SLC9A9: variants seen among roughly 807,000 people sequenced by gnomAD.
SLC9A9 encodes sodium/hydrogen exchanger 9.
In SLC9A9, 62 loss-of-function variants were observed where a neutral mutation model predicts 77.8. The ratio of observed to expected loss-of-function variants is 0.80; its 90% confidence interval spans 0.65 to 0.98. The LOEUF (loss-of-function observed/expected upper bound fraction) is 0.98, where lower values mean the gene tolerates loss of function less well. Ranked by LOEUF, SLC9A9 falls within the 50% of genes least tolerant of loss-of-function variation. SLC9A9 has a pLI of 0.00. For synonymous variants in SLC9A9, 320 were observed against 283.5 expected, an observed-to-expected ratio of 1.13 and a Z score of -1.29; for missense variants, 775 against 774.9, an observed-to-expected ratio of 1.00 and a Z score of 0.00.
chr3:143,832,713 C>CTTT (rs11425360), intron 1 of SLC9A9, among the ~76,000 whole-genome samples: 1 of 141,764 alleles, frequency 7.1e-6, no homozygotes. Context: ...CAATATAGTT[C>CTTT]TTTTTTTTTT....
intron 1 of SLC9A9, among the ~76,000 whole-genome samples, chr3:143,842,828 A>T (rs888915639): frequency 1.3e-5 from 2 of 152,180 alleles, no homozygotes; most frequent in Non-Finnish European, 2.9e-5. Flanking sequence ...AACAGACTGG[A>T]TATCATTATA....
At chr3:143,720,910 C>T (rs991057033) in intron 4 of SLC9A9, among the ~76,000 whole-genome samples, 2 of 151,422 alleles carry the variant, frequency 1.3e-5, no homozygotes, top group Non-Finnish European at 2.9e-5. Context: ...TAAGTATTTT[C>T]CTTAAGCCTT....
intron 5 of SLC9A9, among the ~76,000 whole-genome samples, chr3:143,655,854 G>T (rs948113380): frequency 6.6e-6 from 1 of 152,178 alleles, no homozygotes; most frequent in Admixed American, 6.5e-5. Flanking sequence ...GGAGCCAGTG[G>T]TGTGGACTGC....
chr3:143,274,308 A>C (rs953859064), intron 14 of SLC9A9, among the ~76,000 whole-genome samples: 1 of 152,146 alleles, frequency 6.6e-6, no homozygotes, highest in Non-Finnish European at 1.5e-5. Context: ...TAGCATTTCC[A>C]TATGTCTTAT....
chr3:143,451,653 T>G lies in SLC9A9; in HGVS notation c.1469+15384A>C, dbSNP rs374904413. On this transcript the variant is annotated intron_variant, in intron 12 of 15. Coordinates refer to ENST00000316549, the MANE Select transcript of SLC9A9 (RefSeq NM_173653.4). ...CAAAAATAAAGGAGAAAAGGGGAAG[T>G]TCCCCCTGCTTAATGCTTACAAAAA... is the stretch of plus-strand genomic sequence containing the variant. Among the ~76,000 whole-genome samples the G allele has an allele frequency of 1.8e-4, 28 of 152,130 alleles. No individual in the cohort carries two copies. In the East Asian group the frequency reaches 5.2e-3, roughly 28 times the overall value.
At chr3:143,504,536 C>CTA (rs1559943801) in intron 9 of SLC9A9, among the ~76,000 whole-genome samples, 1 of 152,142 alleles carries the variant, frequency 6.6e-6, no homozygotes. Flanking sequence ...GACGCTTCCT[C>CTA]TATAAAGTTG....
At chr3:143,572,832 A>G (rs1264215485) in intron 8 of SLC9A9, among the ~76,000 whole-genome samples, 1 of 152,212 alleles carries the variant, frequency 6.6e-6, no homozygotes, top group Admixed American at 6.5e-5. Flanking sequence ...CATTACTAAA[A>G]AGATTTGCCA....
chr3:143,538,797 C>A (rs918950094), intron 9 of SLC9A9, among the ~76,000 whole-genome samples: 1 of 152,182 alleles, frequency 6.6e-6, no homozygotes, highest in Non-Finnish European at 1.5e-5. Flanking sequence ...CTGGAAACCC[C>A]AAATCACACT....
chr3:143,447,391 A>G (rs1353137398), intron 12 of SLC9A9, among the ~76,000 whole-genome samples: 2 of 152,236 alleles, frequency 1.3e-5, no homozygotes, highest in Non-Finnish European at 2.9e-5. Context: ...TTTACAAAAT[A>G]CATTTACTCC....
At chr3:143,370,040 T>C (rs1271438659) in intron 13 of SLC9A9, among the ~76,000 whole-genome samples, 3 of 152,230 alleles carry the variant, frequency 2.0e-5, no homozygotes, top group Non-Finnish European at 2.9e-5. Flanking sequence ...TGCAACCTCA[T>C]GAAAGACCTT....
At chr3:143,467,727 AAGAG>A (rs111531862) in intron 11 of SLC9A9, among the ~76,000 whole-genome samples, 7,692 of 144,758 alleles carry the variant, frequency 0.053, 619 homozygotes, top group African/African-American at 0.18. Flanking sequence ...CCTGGCTCTA[AAGAG>A]AGAGAGAGAG....
At chr3:143,286,064 C>T (rs898844164) in intron 14 of SLC9A9, among the ~76,000 whole-genome samples, 6 of 152,090 alleles carry the variant, frequency 3.9e-5, no homozygotes, top group Non-Finnish European at 8.8e-5. Context: ...CTGAAAGATT[C>T]TCTTCTCTTT....
chr3:143,437,741 A>G (rs991366041), intron 12 of SLC9A9, among the ~76,000 whole-genome samples: 1 of 152,226 alleles, frequency 6.6e-6, no homozygotes, highest in Admixed American at 6.5e-5. Flanking sequence ...AGTAGAAACA[A>G]TTAAAGACCT....
intron 14 of SLC9A9, among the ~76,000 whole-genome samples, chr3:143,311,837 GA>G (rs1299229405): frequency 2.0e-5 from 3 of 152,162 alleles, no homozygotes; most frequent in African/African-American, 4.8e-5. Context: ...AGCATTATGA[GA>G]ATGAAAAGTG....
chr3:143,788,362 C>T (rs115685505), intron 4 of SLC9A9, among the ~76,000 whole-genome samples: 21 of 152,170 alleles, frequency 1.4e-4, no homozygotes, highest in African/African-American at 5.1e-4. Flanking sequence ...ATAAATTTGA[C>T]AGCATTAAAA....
intron 11 of SLC9A9, among the ~76,000 whole-genome samples, chr3:143,476,073 T>C (rs2035472176): frequency 7.0e-6 from 1 of 143,492 alleles, no homozygotes; most frequent in Non-Finnish European, 1.6e-5. Context: ...TGAATTACAT[T>C]TCGTTTTTAC....
At chr3:143,801,607 T>C (rs2008562715) in intron 2 of SLC9A9, among the ~76,000 whole-genome samples, 1 of 152,124 alleles carries the variant, frequency 6.6e-6, no homozygotes, top group Non-Finnish European at 1.5e-5. Context: ...TCCCCATGTT[T>C]CCTTCTTTCC....
intron 8 of SLC9A9, 105 bp downstream of exon 8, chr3:143,573,983 T>C (rs1034212464): frequency 6.2e-5 from 59 of 957,922 alleles, no homozygotes; most frequent in Non-Finnish European, 4.5e-5. Flanking sequence ...CATGCACTAT[T>C]TAAGAGAGAC....
At chr3:143,581,299 G>A (rs1203989330) in intron 6 of SLC9A9, among the ~76,000 whole-genome samples, 4 of 152,090 alleles carry the variant, frequency 2.6e-5, no homozygotes, top group Non-Finnish European at 4.4e-5. Context: ...GGGTAAAGAT[G>A]GGTGAGGCAG....
Sources: gnomAD v4.1 joint callset for allele counts (sites outside exome capture counted in the v4.1 genomes callset) on GRCh38, gnomAD v4.1.1 for gene constraint, MANE v1.5 for transcripts, NCBI Gene and HGNC (gene_info 2026-07-23, HGNC 2026-07-21) for gene names.